MAF: variants seen among roughly 807,000 people sequenced by gnomAD.
MAF encodes transcription factor Maf.
In MAF, 10 loss-of-function variants were observed where a neutral mutation model predicts 22.0. The observed-to-expected ratio is 0.45, with a 90% CI of 0.28 to 0.77. The LOEUF (loss-of-function observed/expected upper bound fraction) is 0.77, where lower values mean the gene tolerates loss of function less well. Ranked by LOEUF, MAF falls within the 30% of genes least tolerant of loss-of-function variation. The pLI is 0.12. For synonymous variants in MAF, 337 were observed against 255.8 expected, an observed-to-expected ratio of 1.32 and a Z score of -3.03; for missense variants, 544 against 548.4, an observed-to-expected ratio of 0.99 and a Z score of 0.08.
chr16:79,475,768 T>C, the MAF span, among the ~76,000 whole-genome samples: 2 of 152,172 alleles, frequency 1.3e-5, no homozygotes, highest in South Asian at 2.1e-4. Context: ...GAAGCAAGAA[T>C]GGCAGAATGA....
chr16:79,476,636 C>T, the MAF span, among the ~76,000 whole-genome samples: 1 of 152,096 alleles, frequency 6.6e-6, no homozygotes, highest in Non-Finnish European at 1.5e-5. Context: ...GGATTCACTC[C>T]TAAGAAAGTT....
chr16:79,431,746 A>C, the MAF span, among the ~76,000 whole-genome samples: 2 of 152,206 alleles, frequency 1.3e-5, no homozygotes, highest in Non-Finnish European at 2.9e-5. Context: ...AGTTGAAAAG[A>C]TCAGGACTTT....
chr16:79,455,797 T>C, the MAF span, among the ~76,000 whole-genome samples: 1 of 152,182 alleles, frequency 6.6e-6, no homozygotes, highest in African/African-American at 2.4e-5. Context: ...GTGGGCAGAC[T>C]GCCTGAGGTC....
At chr16:79,371,129 AT>A in the MAF span, among the ~76,000 whole-genome samples, 2,594 of 148,240 alleles carry the variant, frequency 0.017, 55 homozygotes, top group African/African-American at 0.055. Flanking sequence ...ATTCATTCAC[AT>A]TTTTTTTTTT....
At chr16:79,468,366 G>A in the MAF span, among the ~76,000 whole-genome samples, 22 of 152,224 alleles carry the variant, frequency 1.4e-4, no homozygotes, top group African/African-American at 5.3e-4. Flanking sequence ...CTAAAATGCT[G>A]ACTCTGCTTA....
chr16:79,211,534 A>G, the MAF span: 3 of 1,598,488 alleles, frequency 1.9e-6, no homozygotes, highest in South Asian at 2.2e-5. Flanking sequence ...GCTAATGCCC[A>G]GGCAGTCGAA....
chr16:79,233,463 T>C, the MAF span, among the ~76,000 whole-genome samples: 1 of 151,904 alleles, frequency 6.6e-6, no homozygotes, highest in Non-Finnish European at 1.5e-5. Context: ...GGATGTCATC[T>C]CCCAGAGCTA....
the MAF span, among the ~76,000 whole-genome samples, chr16:79,237,318 C>T: frequency 1.3e-5 from 2 of 152,094 alleles, no homozygotes; most frequent in African/African-American, 2.4e-5. Context: ...TATTAGTTGA[C>T]TTTGTCATTG....
At chr16:79,492,515 C>G in the MAF span, among the ~76,000 whole-genome samples, 3 of 152,064 alleles carry the variant, frequency 2.0e-5, no homozygotes, top group Admixed American at 1.3e-4. Context: ...CAGCAATCCC[C>G]CATCCCAGGT....
At chr16:79,562,970 A>C in the MAF span, among the ~76,000 whole-genome samples, 1 of 152,210 alleles carries the variant, frequency 6.6e-6, no homozygotes, top group Non-Finnish European at 1.5e-5. Flanking sequence ...TTTCAAATTC[A>C]AATGTGTCTA....
chr16:79,314,657 C>T, the MAF span, among the ~76,000 whole-genome samples: 5 of 152,228 alleles, frequency 3.3e-5, no homozygotes, highest in Admixed American at 3.3e-4. Flanking sequence ...CAAATGCCGG[C>T]TGGTTCCCCT....
chr16:79,227,762 C>T, the MAF span, among the ~76,000 whole-genome samples: 11 of 151,790 alleles, frequency 7.2e-5, no homozygotes, highest in East Asian at 1.9e-4. Context: ...ATACATTTTA[C>T]GCTACTCTAA....
At chr16:79,450,184 GT>G in the MAF span, among the ~76,000 whole-genome samples, 1 of 152,178 alleles carries the variant, frequency 6.6e-6, no homozygotes, top group African/African-American at 2.4e-5. Context: ...GTAAAGTGTT[GT>G]TTAAAACCAA....
chr16:79,580,151 C>T, the MAF span, among the ~76,000 whole-genome samples: 2 of 152,164 alleles, frequency 1.3e-5, no homozygotes, highest in Admixed American at 1.3e-4. Context: ...TATTTTTCTT[C>T]CAGGGTCAGG....
chr16:79,400,208 C>T, the MAF span, among the ~76,000 whole-genome samples: 4 of 152,094 alleles, frequency 2.6e-5, no homozygotes, highest in African/African-American at 9.7e-5. Flanking sequence ...ATGAATTGTC[C>T]CAAAATATCA....
the MAF span, among the ~76,000 whole-genome samples, chr16:79,449,129 G>A: frequency 5.3e-5 from 8 of 152,196 alleles, no homozygotes; most frequent in African/African-American, 1.7e-4. Flanking sequence ...GGCATGCACA[G>A]TTCACAATAG....
the MAF span, among the ~76,000 whole-genome samples, chr16:79,558,565 G>A: frequency 6.6e-6 from 1 of 152,130 alleles, no homozygotes; most frequent in African/African-American, 2.4e-5. Flanking sequence ...GACTTTTCGG[G>A]AATCAGCTCC....
chr16:79,358,776 G>GC, the MAF span, among the ~76,000 whole-genome samples: 1 of 152,154 alleles, frequency 6.6e-6, no homozygotes, highest in African/African-American at 2.4e-5. Flanking sequence ...CAATGTTAAA[G>GC]CCCCAGTCTC....
the MAF span, among the ~76,000 whole-genome samples, chr16:79,275,456 G>A: frequency 1.3e-5 from 2 of 152,222 alleles, no homozygotes; most frequent in South Asian, 4.1e-4. Context: ...TAAAATGGAA[G>A]TAATTTCACA....
Sources: allele counts gnomAD v4.1 joint callset (sites outside exome capture counted in the v4.1 genomes callset), GRCh38; gene constraint gnomAD v4.1.1; transcripts MANE v1.5; gene names NCBI Gene and HGNC (gene_info 2026-07-23, HGNC 2026-07-21).